The following KCNJ1 variants were observed in gnomAD, a reference collection of about 807,000 sequenced individuals.
KCNJ1 encodes potassium inwardly rectifying channel subfamily J member 1.
Under a neutral mutation model 21.9 loss-of-function variants are expected in KCNJ1, and 24 were observed. The ratio of observed to expected loss-of-function variants is 1.10; its 90% CI spans 0.79 to 1.54. KCNJ1 has a LOEUF of 1.54. KCNJ1 is among the 40% of genes most tolerant of loss of function. The probability of loss-of-function intolerance (pLI) is 0.00; values close to 1 mark genes in which losing one functional copy is unlikely to be tolerated. For missense variants in KCNJ1, 457 were observed against 455.4 expected, an observed-to-expected ratio of 1.00 and a Z score of -0.03; for synonymous variants, 152 against 160.9, an observed-to-expected ratio of 0.94 and a Z score of 0.42.
rs183727553 is a variant in KCNJ1, at chr11:128,846,030, C to A, written c.-22+4691G>T. Among the ~76,000 whole-genome samples, 183 of 152,324 alleles carry A rather than the reference C, an allele frequency of 1.2e-3. 1 individual carries two copies. In the Middle Eastern group the frequency reaches 0.014, roughly 11 times the overall value. On this transcript the variant is annotated intron_variant, in intron 2 of 2. Transcript: ENST00000392666. ...TCTCTGGGCCAGCCATCCAGAGTATCACTTTCTGAATAACTTGTCCTTTTG... is the reference window on the plus strand; with the variant it reads ...TCTCTGGGCCAGCCATCCAGAGTATAACTTTCTGAATAACTTGTCCTTTTG...
intron 1 of KCNJ1, among the ~76,000 whole-genome samples, chr11:128,851,313 G>C (rs948811445): frequency 6.6e-6 from 1 of 152,172 alleles, no homozygotes; most frequent in African/African-American, 2.4e-5. Flanking sequence ...ATTGTGTATG[G>C]TGAATCATAT....
intron 1 of KCNJ1, among the ~76,000 whole-genome samples, chr11:128,852,434 G>A (rs1224516804): frequency 6.6e-6 from 1 of 152,188 alleles, no homozygotes; most frequent in Admixed American, 6.5e-5. Flanking sequence ...ATGCCCACGG[G>A]TATCATTGAC....
chr11:128,849,491 C>A (rs549991374), intron 2 of KCNJ1, among the ~76,000 whole-genome samples: 1 of 152,214 alleles, frequency 6.6e-6, no homozygotes, highest in African/African-American at 2.4e-5. Flanking sequence ...GCAGCATCTA[C>A]AAAAGCACTA....
chr11:128,839,118 G>A lies in KCNJ1; in HGVS notation c.*7C>T, dbSNP rs768896374. 1 of 1,612,436 alleles carries A rather than the reference G, an allele frequency of 6.2e-7. No individual in the cohort carries two copies. Among genetic ancestry groups the A allele is most frequent in the Non-Finnish European group, 8.5e-7 (1 of 1,179,592 alleles). On this transcript the variant is annotated 3_prime_UTR_variant, in exon 3 of 3. Coordinates refer to ENST00000392666, the MANE Select transcript of KCNJ1 (RefSeq NM_153766.3). ...GACTTTGCTTTACTCCCGTTGAAAA[G>A]CCACTGTTACATTTTGGTGTCATCT...
Position 128,840,209 on chromosome 11 carries a change from C to A in KCNJ1, c.35G>T (p.Arg12Leu), listed in dbSNP as rs566704910. The A allele has an allele frequency of 1.2e-6, 2 of 1,614,114 alleles. No individual in the cohort carries two copies. The highest frequency in any genetic ancestry group is 2.2e-5 in the East Asian group (1 of 44,888). Residue 12 changes from arginine (R) to leucine (L), a missense_variant, in exon 3 of 3, where the codon CGC becomes CTC. Coordinates refer to ENST00000392666, the MANE Select transcript of KCNJ1 (RefSeq NM_153766.3). Reference sequence around the variant, plus strand: ...TCTTTGCCGAGAATGCCCAAAAAAGCGAGTGACGACCCATTTCCGAAGATG... The same window carrying A: ...TCTTTGCCGAGAATGCCCAAAAAAGAGAGTGACGACCCATTTCCGAAGATG... ...FKHLRKWVVT[R>L]FFGHSRQRAR...
intron 2 of KCNJ1, among the ~76,000 whole-genome samples, chr11:128,848,287 C>CA (rs1002326097): frequency 0.12 from 5,806 of 48,074 alleles, 355 homozygotes; most frequent in African/African-American, 0.19. Context: ...GACTCCGTCT[C>CA]AAAAAAAAAA....
intron 2 of KCNJ1, among the ~76,000 whole-genome samples, chr11:128,843,081 G>C (rs77227395): frequency 2.6e-5 from 4 of 152,178 alleles, no homozygotes; most frequent in African/African-American, 9.7e-5. Flanking sequence ...ACATGCACTG[G>C]GTTAGCCAAT....
chr11:128,866,270 C>T (rs181311442), intron 1 of KCNJ1, among the ~76,000 whole-genome samples: 27 of 152,134 alleles, frequency 1.8e-4, no homozygotes, highest in Admixed American at 9.8e-4. Context: ...GGGAAGGCAG[C>T]GTGCAGCTCG....
Position 128,839,815 on chromosome 11 carries a change from AAAGAT to A in KCNJ1, c.424_428del (p.Ile142SerfsTer53), listed in dbSNP as rs1565522369. 6.2e-7 allele frequency: 1 copy of A among 1,614,090 alleles called. No homozygotes were observed. The highest frequency in any genetic ancestry group is 1.3e-5 in the African/African-American group (1 of 74,932). On this transcript the variant is annotated frameshift_variant, in exon 3 of 3. Coordinates refer to ENST00000392666, the MANE Select transcript of KCNJ1 (RefSeq NM_153766.3). LOFTEE classifies it high-confidence loss of function. ...TGATTATAACTCCAAGTATAGACTG[AAAGAT>A]AAGCAGAAAAATGGCAGTGGCACAC...
Position 128,840,327 on chromosome 11 carries a change from C to A in KCNJ1, c.-21-63G>T. ...TTTATAGCAATAGTGAACTAGGTGA[C>A]CCACATGAAAGACCTAACTACGAAA... On this transcript the variant is annotated intron_variant, in intron 2 of 2. Transcript: ENST00000392666. 14 of 1,508,850 alleles carry A rather than the reference C, an allele frequency of 9.3e-6. 1 individual carries two copies. In the South Asian group the frequency reaches 1.6e-4, roughly 17 times the overall value. 93.5% of individuals were successfully genotyped at this position (1,508,850 alleles called of 1,614,324 possible).
intron 1 of KCNJ1, among the ~76,000 whole-genome samples, chr11:128,856,082 G>A (rs7933427): frequency 0.045 from 6,824 of 151,636 alleles, 162 homozygotes; most frequent in Middle Eastern, 0.1. Flanking sequence ...ACTTCCGGGC[G>A]GGAAAAGACA....
At chr11:128,849,357 G>A (rs1477509190) in intron 2 of KCNJ1, among the ~76,000 whole-genome samples, 1 of 152,246 alleles carries the variant, frequency 6.6e-6, no homozygotes, top group Admixed American at 6.5e-5. Flanking sequence ...GCCAGGAATG[G>A]TTTTCTATAC....
intron 2 of KCNJ1, among the ~76,000 whole-genome samples, chr11:128,845,663 G>A (rs1320696682): frequency 6.6e-6 from 1 of 152,200 alleles, no homozygotes; most frequent in Non-Finnish European, 1.5e-5. Flanking sequence ...CAGCTCACAT[G>A]GGAACAGCAT....
At chr11:128,859,149 C>G (rs1943649660) in intron 1 of KCNJ1, among the ~76,000 whole-genome samples, 1 of 152,196 alleles carries the variant, frequency 6.6e-6, no homozygotes, top group Non-Finnish European at 1.5e-5. Context: ...TTATTTCATT[C>G]AATCTCACAG....
chr11:128,853,256 T>G (rs1943509735), intron 1 of KCNJ1, among the ~76,000 whole-genome samples: 2 of 152,214 alleles, frequency 1.3e-5, no homozygotes, highest in South Asian at 4.1e-4. Context: ...AGTGGAAGCT[T>G]TTGAAACAGT....
intron 1 of KCNJ1, among the ~76,000 whole-genome samples, chr11:128,865,149 C>T (rs1001863694): frequency 1.3e-5 from 2 of 152,106 alleles, no homozygotes; most frequent in African/African-American, 4.8e-5. Context: ...TGTTCTTCCC[C>T]CTGCCTCCAG....
chr11:128,840,007 C>A lies in KCNJ1; in HGVS notation c.237G>T (p.Leu79=). Residue 79 remains leucine, a synonymous_variant, in exon 3 of 3, where the codon CTG becomes CTT. Coordinates refer to ENST00000392666, the MANE Select transcript of KCNJ1 (RefSeq NM_153766.3). The part of the protein sequence containing the change: ...FLGSWFFFGL[L]WYAVAYIHKD... ...TGTGAATGTACGCTACTGCATACCA[C>A]AGGAGACCAAAGAAAAACCAACTCC... 6.2e-7 allele frequency: 1 copy of A among 1,614,026 alleles called. No individual in the cohort carries two copies. The highest frequency in any genetic ancestry group is 8.5e-7 in the Non-Finnish European group (1 of 1,179,966).
intron 2 of KCNJ1, among the ~76,000 whole-genome samples, chr11:128,840,620 A>G (rs891902115): frequency 3.3e-5 from 5 of 152,226 alleles, no homozygotes; most frequent in African/African-American, 7.2e-5. Context: ...ATTGAATATT[A>G]CTTAAATCAC....
intron 2 of KCNJ1, among the ~76,000 whole-genome samples, chr11:128,845,264 G>A (rs1398386895): frequency 1.3e-5 from 2 of 152,210 alleles, no homozygotes; most frequent in East Asian, 3.8e-4. Flanking sequence ...AGTTGTTCAC[G>A]AATAAGTAAT....
Sources: allele counts gnomAD v4.1 joint callset (sites outside exome capture counted in the v4.1 genomes callset), GRCh38; gene constraint gnomAD v4.1.1; transcripts MANE v1.5; gene names NCBI Gene and HGNC (gene_info 2026-07-23, HGNC 2026-07-21).